Variants in GDAP1 observed in about 807,000 individuals in gnomAD.
GDAP1 encodes the protein ganglioside induced differentiation associated protein 1.
Under a neutral mutation model 40.1 loss-of-function variants are expected in GDAP1, and 34 were observed. The ratio of observed to expected loss-of-function variants is 0.85; its 90% confidence interval spans 0.64 to 1.13. The LOEUF is 1.13. GDAP1 is among the 50% of genes most tolerant of loss of function. The pLI is 0.00. For missense variants in GDAP1, 374 were observed against 433.7 expected (o/e 0.86, Z 1.22); for synonymous variants, 170 against 157.4 (o/e 1.08, Z -0.60).
intron 2 of GDAP1, among the ~76,000 whole-genome samples, chr8:74,444,290 C>T (rs998917424): frequency 6.7e-6 from 1 of 150,202 alleles, no homozygotes; most frequent in African/African-American, 2.5e-5. Flanking sequence ...CTATTTTTAC[C>T]CAGAAGAGAA....
chr8:74,471,806 A>C (rs528692627), intron 2 of GDAP1, among the ~76,000 whole-genome samples: 1 of 152,128 alleles, frequency 6.6e-6, no homozygotes, highest in Non-Finnish European at 1.5e-5. Context: ...TTTACTTGGC[A>C]TATTGATTTT....
At chr8:74,465,941 A>G (rs1407973664) in intron 2 of GDAP1, among the ~76,000 whole-genome samples, 1 of 152,200 alleles carries the variant, frequency 6.6e-6, no homozygotes, top group African/African-American at 2.4e-5. Flanking sequence ...TAAAAAACAC[A>G]TAAATTGAAG....
At chr8:74,420,810 A>ATT (rs35436329) in intron 2 of GDAP1, among the ~76,000 whole-genome samples, 1 of 149,238 alleles carries the variant, frequency 6.7e-6, no homozygotes, top group African/African-American at 2.5e-5. Flanking sequence ...TGATTCCTGT[A>ATT]TTTTTTTTTT....
intron 2 of GDAP1, among the ~76,000 whole-genome samples, chr8:74,457,227 C>G (rs1586840434): frequency 6.6e-6 from 1 of 152,008 alleles, no homozygotes; most frequent in Non-Finnish European, 1.5e-5. Context: ...AAAACTGTAC[C>G]CTTTCCGCAG....
At chr8:74,378,787 A>C (rs570452704) in intron 2 of GDAP1, among the ~76,000 whole-genome samples, 2 of 152,208 alleles carry the variant, frequency 1.3e-5, no homozygotes, top group Non-Finnish European at 2.9e-5. Flanking sequence ...CCTCACTCAC[A>C]CATATGTATA....
chr8:74,437,530 C>T (rs996937760), intron 2 of GDAP1, among the ~76,000 whole-genome samples: 2 of 151,820 alleles, frequency 1.3e-5, no homozygotes, highest in Non-Finnish European at 1.5e-5. Flanking sequence ...TACTTGAGAC[C>T]CCTACATGCT....
At chr8:74,434,527 G>C (rs13266218) in intron 2 of GDAP1, among the ~76,000 whole-genome samples, 80,835 of 151,938 alleles carry the variant, frequency 0.53, 21,962 homozygotes, top group South Asian at 0.69. Flanking sequence ...AGAGTGAGAT[G>C]AGTATCAAAG....
In GDAP1 at chr8:74,411,719, CA is replaced by C. The variant is rs34098737; in HGVS notation, c.165+60412del. ...TAACATAGTGAGATCGTGTCTCTACCAAAAAAAAAAAAAATTGCTAAGCATA... is the reference window on the plus strand; with the variant it reads ...TAACATAGTGAGATCGTGTCTCTACCAAAAAAAAAAAAATTGCTAAGCATA... On this transcript the variant is annotated intron_variant, in intron 2 of 2. Transcript: ENST00000523640. Among the ~76,000 whole-genome samples the C allele has an allele frequency of 1.3e-3, 181 of 139,016 alleles. 2 individuals are homozygous for C. Among genetic ancestry groups the C allele is most frequent in the Middle Eastern group, 3.7e-3 (1 of 272 alleles). 91.2% of individuals were successfully genotyped at this position (139,016 alleles called of 152,430 possible).
At chr8:74,422,277 CTTTTTTCT>C (rs1246698392) in intron 2 of GDAP1, among the ~76,000 whole-genome samples, 2 of 103,092 alleles carry the variant, frequency 1.9e-5, no homozygotes, top group African/African-American at 7.1e-5. Flanking sequence ...CTTTTCTTTT[CTTTTTTCT>C]TTTCTTTCTT....
intron 2 of GDAP1, among the ~76,000 whole-genome samples, chr8:74,386,170 C>G (rs992253163): frequency 4.6e-5 from 7 of 152,146 alleles, no homozygotes; most frequent in African/African-American, 1.7e-4. Context: ...GTTTCTTTTG[C>G]TGTGCAGAAG....
Position 74,482,588 on chromosome 8 carries a change from A to G in GDAP1, c.166-6090A>G, listed in dbSNP as rs549323317. 7.2e-5 allele frequency among the ~76,000 whole-genome samples: 11 copies of G among 152,336 alleles called. No homozygotes were observed. In the South Asian group the frequency reaches 2.3e-3, roughly 32 times the overall value. On this transcript the variant is annotated intron_variant, in intron 2 of 2. Transcript: ENST00000523640. ...GATTGGGCATTCCTTTAATATGGACACATCCAAAAGTATCACCTGGACTGC... is the reference window on the plus strand; with the variant it reads ...GATTGGGCATTCCTTTAATATGGACGCATCCAAAAGTATCACCTGGACTGC...
Position 74,405,503 on chromosome 8 carries a change from G to A in GDAP1, c.165+54182G>A, listed in dbSNP as rs146320594. The stretch of plus-strand genomic sequence containing the variant: ...GGTGAAGGACCCACAGATTGGGAAG[G>A]CCAACTGTGTTTGTTAAACTGAAGC... On this transcript the variant is annotated intron_variant, in intron 2 of 2. Coordinates refer to the GDAP1 transcript ENST00000523640. Among the ~76,000 whole-genome samples, 848 of 150,128 alleles carry A rather than the reference G, an allele frequency of 5.6e-3. 6 individuals carry two copies. Among genetic ancestry groups the A allele is most frequent in the Middle Eastern group, 0.014 (4 of 294 alleles).
rs527897317 is a variant in GDAP1 at position 74,372,981 on chromosome 8, A to G, written c.165+21660A>G. ...AAGGGATCCAGTTTCAGCTTTCTAC[A>G]TATGGCTAGCCAGTTTTCCCAGCAC... On this transcript the variant is annotated intron_variant, in intron 2 of 2. Transcript: ENST00000523640. Among the ~76,000 whole-genome samples, 764 of 152,356 alleles carry G rather than the reference A, an allele frequency of 5.0e-3. 7 individuals carry two copies. Among genetic ancestry groups the G allele is most frequent in the African/African-American group, 0.017 (706 of 41,578 alleles).
chr8:74,431,526 G>C (rs1286730008), intron 2 of GDAP1, among the ~76,000 whole-genome samples: 1 of 151,784 alleles, frequency 6.6e-6, no homozygotes, highest in East Asian at 1.9e-4. Flanking sequence ...CTGTCACCCA[G>C]GCTGGAGCAC....
rs145240315 is a variant in GDAP1, at chr8:74,415,612, A to G, written c.165+64291A>G. On this transcript the variant is annotated intron_variant, in intron 2 of 2. Coordinates refer to the GDAP1 transcript ENST00000523640. ...CACCTACTGGGCAACCTGGCAGTCCAGGCCTCAGGAAAAAGCCTTATCCCT... is the reference window on the plus strand; with the variant it reads ...CACCTACTGGGCAACCTGGCAGTCCGGGCCTCAGGAAAAAGCCTTATCCCT... Among the ~76,000 whole-genome samples the G allele has an allele frequency of 6.4e-3, 960 of 150,260 alleles. 13 individuals are homozygous for G. Among genetic ancestry groups the G allele is most frequent in the Middle Eastern group, 0.027 (8 of 294 alleles).
chr8:74,353,527 G>A (rs1014871957), intron 2 of GDAP1, among the ~76,000 whole-genome samples: 2 of 152,140 alleles, frequency 1.3e-5, no homozygotes, highest in African/African-American at 4.8e-5. Context: ...TTATAATTAA[G>A]ATGCTTTATC....
intron 2 of GDAP1, among the ~76,000 whole-genome samples, chr8:74,435,176 A>G (rs1433750327): frequency 6.6e-6 from 1 of 152,212 alleles, no homozygotes; most frequent in Non-Finnish European, 1.5e-5. Flanking sequence ...GCATTAGGTT[A>G]TAACATGGAA....
chr8:74,378,177 C>T (rs1017026513), intron 2 of GDAP1, among the ~76,000 whole-genome samples: 6 of 152,116 alleles, frequency 3.9e-5, no homozygotes, highest in African/African-American at 1.4e-4. Context: ...CTGTGCTGGT[C>T]GGTGAGAGTG....
downstream of GDAP1, among the ~76,000 whole-genome samples, chr8:74,369,411 G>A (rs1809710928): frequency 6.6e-6 from 1 of 152,114 alleles, no homozygotes; most frequent in African/African-American, 2.4e-5. Flanking sequence ...AATCATGGGA[G>A]AGAAATTAAA....
Sources: allele counts gnomAD v4.1 joint callset (sites outside exome capture counted in the v4.1 genomes callset), GRCh38; gene constraint gnomAD v4.1.1; transcripts MANE v1.5; gene names NCBI Gene and HGNC (gene_info 2026-07-23, HGNC 2026-07-21).